Variants in HS3ST3A1 observed in about 807,000 individuals in gnomAD.
HS3ST3A1 encodes heparan sulfate-glucosamine 3-sulfotransferase 3A1.
A neutral mutation model predicts 25.7 loss-of-function variants in HS3ST3A1; 19 were observed. That is an observed-to-expected ratio of 0.74 (90% confidence interval 0.52 to 1.08). The LOEUF is 1.08. Ranked by LOEUF, HS3ST3A1 falls within the 50% of genes least tolerant of loss-of-function variation. The pLI is 0.00. For synonymous variants in HS3ST3A1, 226 were observed against 278.6 expected (o/e 0.81, Z 1.88); for missense variants, 459 against 594.3 (o/e 0.77, Z 2.37).
Position 13,601,510 on chromosome 17 carries a change from G to A in HS3ST3A1, c.-381C>T, listed in dbSNP as rs1908742062. On this transcript the variant is annotated 5_prime_UTR_variant, in exon 1 of 2. Transcript: ENST00000284110. Reference sequence around the variant, plus strand: ...GCGTGCGTCTCAGCCCCGGCCCCGAGAGACTTCTCGGCGCGGATCTCCGCT... The same window carrying A: ...GCGTGCGTCTCAGCCCCGGCCCCGAAAGACTTCTCGGCGCGGATCTCCGCT... The A allele has an allele frequency of 2.1e-5, 4 of 193,090 alleles. No individual in the cohort carries two copies. The highest frequency in any genetic ancestry group is 7.0e-5 in the African/African-American group (3 of 42,824). 12.0% of individuals were successfully genotyped at this position (193,090 alleles called of 1,614,324 possible).
rs190577933 is a variant in HS3ST3A1, at chr17:13,598,210, T to C, written c.599+2321A>G. On this transcript the variant is annotated intron_variant, in intron 1 of 1. Coordinates refer to ENST00000284110, the MANE Select transcript of HS3ST3A1 (RefSeq NM_006042.3). The stretch of plus-strand genomic sequence containing the variant: ...GAATCCCCTGTTCTAAACTATTAGC[T>C]AAATATAAGTAGCTAAAATGCACTT... 5.3e-5 allele frequency among the ~76,000 whole-genome samples: 8 copies of C among 152,290 alleles called. No individual in the cohort carries two copies. The East Asian group carries it at 1.5e-3, about 29-fold the overall frequency.
intron 1 of HS3ST3A1, among the ~76,000 whole-genome samples, chr17:13,585,414 G>T (rs1908231479): frequency 6.6e-6 from 1 of 151,114 alleles, no homozygotes; most frequent in African/African-American, 2.4e-5. Context: ...TGACCAGGCT[G>T]GTCTCAAACT....
At chr17:13,557,464 C>G (rs1011839063) in intron 1 of HS3ST3A1, among the ~76,000 whole-genome samples, 1 of 150,202 alleles carries the variant, frequency 6.7e-6, no homozygotes, top group Admixed American at 6.6e-5. Flanking sequence ...GTAACAACAA[C>G]AACAAAAAAA....
intron 1 of HS3ST3A1, among the ~76,000 whole-genome samples, chr17:13,541,668 C>T (rs1050901181): frequency 6.6e-6 from 1 of 152,174 alleles, no homozygotes; most frequent in Admixed American, 6.5e-5. Context: ...GAATCATACC[C>T]TTTGCCTTAG....
intron 1 of HS3ST3A1, among the ~76,000 whole-genome samples, chr17:13,526,470 A>AT (rs755867783): frequency 3.0e-5 from 2 of 67,146 alleles, no homozygotes; most frequent in African/African-American, 1.4e-4. Context: ...TACAACTTTA[A>AT]TTTTTATATA....
intron 1 of HS3ST3A1, among the ~76,000 whole-genome samples, chr17:13,555,405 A>G (rs1052795319): frequency 5.9e-5 from 9 of 152,192 alleles, no homozygotes; most frequent in Admixed American, 2.6e-4. Flanking sequence ...GAGACACAGC[A>G]CAACTGAAAT....
At chr17:13,592,650 G>A (rs1598435819) in intron 1 of HS3ST3A1, among the ~76,000 whole-genome samples, 1 of 152,164 alleles carries the variant, frequency 6.6e-6, no homozygotes, top group East Asian at 1.9e-4. Context: ...AGAAAATACT[G>A]TTAGTTTCTT....
intron 1 of HS3ST3A1, among the ~76,000 whole-genome samples, chr17:13,594,017 G>A (rs776599659): frequency 3.9e-5 from 6 of 152,242 alleles, no homozygotes; most frequent in Non-Finnish European, 5.9e-5. Context: ...CGGTCTTGGC[G>A]TTGTTTTGTA....
At chr17:13,543,542 T>A (rs1478540240) in intron 1 of HS3ST3A1, 1 of 167,974 alleles carries the variant, frequency 6.0e-6, no homozygotes, top group Non-Finnish European at 1.5e-5. Context: ...CTGAAGACAG[T>A]GACTACTTTT....
At chr17:13,580,806 G>A (rs189227700) in intron 1 of HS3ST3A1, among the ~76,000 whole-genome samples, 141 of 152,108 alleles carry the variant, frequency 9.3e-4, no homozygotes, top group African/African-American at 3.2e-3. Context: ...CAGTAGAATC[G>A]CTTGAACCCA....
At chr17:13,565,106 T>C (rs73296166) in intron 1 of HS3ST3A1, among the ~76,000 whole-genome samples, 9,588 of 151,624 alleles carry the variant, frequency 0.063, 694 homozygotes, top group African/African-American at 0.17. Flanking sequence ...TTTATTGGAG[T>C]AGTCAAGTTT....
At chr17:13,534,219 G>C (rs1906699890) in intron 1 of HS3ST3A1, among the ~76,000 whole-genome samples, 1 of 152,110 alleles carries the variant, frequency 6.6e-6, no homozygotes, top group Non-Finnish European at 1.5e-5. Flanking sequence ...CAGTGTTACT[G>C]AGAAAATTAA....
intron 1 of HS3ST3A1, among the ~76,000 whole-genome samples, chr17:13,507,783 A>G (rs1052877960): frequency 6.6e-6 from 1 of 152,192 alleles, no homozygotes; most frequent in Non-Finnish European, 1.5e-5. Flanking sequence ...GCAGCAGAAC[A>G]TGCTAGAAAA....
chr17:13,595,991 C>G (rs1908565636), intron 1 of HS3ST3A1, among the ~76,000 whole-genome samples: 1 of 152,178 alleles, frequency 6.6e-6, no homozygotes, highest in Non-Finnish European at 1.5e-5. Context: ...ATTCCCATGA[C>G]CCTGCCAAAA....
chr17:13,529,981 C>T (rs1472129217), intron 1 of HS3ST3A1, among the ~76,000 whole-genome samples: 2 of 147,004 alleles, frequency 1.4e-5, no homozygotes, highest in African/African-American at 5.0e-5. Context: ...GAAACCACAA[C>T]AGCAATCAAT....
intron 1 of HS3ST3A1, among the ~76,000 whole-genome samples, chr17:13,509,810 G>T (rs1181039495): frequency 6.6e-6 from 1 of 152,192 alleles, no homozygotes; most frequent in Non-Finnish European, 1.5e-5. Context: ...GAAGGGGCTT[G>T]TCCTAAGTCA....
chr17:13,551,647 T>TATTTTGAA (rs1907251844), intron 1 of HS3ST3A1, among the ~76,000 whole-genome samples: 2 of 151,910 alleles, frequency 1.3e-5, no homozygotes, highest in East Asian at 3.9e-4. Context: ...ATTTTTACGT[T>TATTTTGAA]ATTTTGAATA....
intron 1 of HS3ST3A1, among the ~76,000 whole-genome samples, chr17:13,526,894 C>T (rs1381745918): frequency 1.3e-5 from 2 of 152,186 alleles, no homozygotes; most frequent in East Asian, 3.9e-4. Context: ...CTCAGGTGAT[C>T]TACCCGCCTT....
chr17:13,596,603 CG>C (rs1278818764), intron 1 of HS3ST3A1, among the ~76,000 whole-genome samples: 1 of 151,994 alleles, frequency 6.6e-6, no homozygotes, highest in African/African-American at 2.4e-5. Context: ...TAGACAAGTA[CG>C]CTAGACTCAG....
Sources: allele counts gnomAD v4.1 joint callset (sites outside exome capture counted in the v4.1 genomes callset), GRCh38; gene constraint gnomAD v4.1.1; transcripts MANE v1.5; gene names NCBI Gene and HGNC (gene_info 2026-07-23, HGNC 2026-07-21).